The following CHD6 variants were observed in gnomAD, a reference collection of about 807,000 sequenced individuals.
CHD6 encodes chromodomain helicase DNA binding protein 6, also known as ATP-dependent chromatin remodeler CHD6.
Under a neutral mutation model 276.9 loss-of-function variants are expected in CHD6, and 50 were observed. The ratio of observed to expected loss-of-function variants is 0.18; its 90% CI spans 0.14 to 0.23. The LOEUF (loss-of-function observed/expected upper bound fraction) is 0.23. CHD6 is among the 10% of genes least tolerant of loss of function. The pLI is 1.00. For missense variants in CHD6, 2,564 were observed against 3,365.8 expected, an observed-to-expected ratio of 0.76 and a Z score of 5.89; for synonymous variants, 1,173 against 1,229.3, an observed-to-expected ratio of 0.95 and a Z score of 0.96.
At chr20:41,580,065 T>C (rs1004671828) in intron 1 of CHD6, among the ~76,000 whole-genome samples, 1 of 152,190 alleles carries the variant, frequency 6.6e-6, no homozygotes, top group East Asian at 1.9e-4. Context: ...CATAGATTCA[T>C]AGGTCAAGTG....
chr20:41,425,035 A>C lies in CHD6; in HGVS notation c.4346+143T>G. 6 of 658,426 alleles carry C rather than the reference A, an allele frequency of 9.1e-6. No homozygotes were observed. The East Asian group carries it at 1.6e-4, about 18-fold the overall frequency. The allele number at this position is 658,426 out of a possible 1,614,324, so 40.8% of individuals were successfully genotyped here. A position where few individuals can be genotyped will look rare whatever the true frequency, so the allele number is the denominator to read the frequency against. On this transcript the variant is annotated intron_variant, in intron 29 of 36. Transcript: ENST00000373233. ...CATCACCATGATACCATCACAACTG[A>C]AGGCTGAATGTAATGAATTCTGGAG...
At chr20:41,537,730 C>T (rs913693009) in intron 2 of CHD6, among the ~76,000 whole-genome samples, 1 of 151,994 alleles carries the variant, frequency 6.6e-6, no homozygotes, top group Non-Finnish European at 1.5e-5. Context: ...GACAAGACAA[C>T]AATAATTTTG....
intron 27 of CHD6, among the ~76,000 whole-genome samples, chr20:41,426,822 C>T (rs1435414581): frequency 6.6e-6 from 1 of 152,144 alleles, no homozygotes; most frequent in Non-Finnish European, 1.5e-5. Context: ...AGGAATGGAA[C>T]TTTAAAAACT....
rs1391018256 is a variant in CHD6 at position 41,493,558 on chromosome 20, G to A, written c.1294C>T (p.Leu432Phe). The change falls in exon 10 of 37, where the codon CTC becomes TTC. Residue 432 changes from leucine (L) to phenylalanine (F), a missense_variant. By Grantham distance (22) the Leu-to-Phe change is conservative. This residue lies in a region of CHD6 where 457 missense variants were observed against 889.0 expected (regional missense o/e 0.51). Transcript: ENST00000373233. ...KVKEFESLQV[L>F]PEIKHVERPA... ...TTTACCACATGCTTAATTTCAGGGA[G>A]AACTTGAAGAGATTCAAATTCTTTA... is the stretch of plus-strand genomic sequence containing the variant. 2.5e-6 allele frequency: 4 copies of A among 1,613,718 alleles called. No individual in the cohort carries two copies. Among genetic ancestry groups the A allele is most frequent in the African/African-American group, 2.7e-5 (2 of 74,926 alleles).
At chr20:41,577,164 G>A (rs1285443544) in intron 1 of CHD6, among the ~76,000 whole-genome samples, 3 of 152,202 alleles carry the variant, frequency 2.0e-5, no homozygotes, top group Non-Finnish European at 4.4e-5. Context: ...TAGAACGAGA[G>A]AGTCTCTATA....
intron 14 of CHD6, chr20:41,486,260 A>T (rs1206024092): frequency 2.0e-5 from 3 of 152,228 alleles, no homozygotes; most frequent in African/African-American, 7.2e-5. Context: ...AGTTTACTAT[A>T]TGCCAGACAT....
chr20:41,533,146 T>C lies in CHD6; in HGVS notation c.458A>G (p.Lys153Arg), dbSNP rs1358237817. 4 of 1,614,176 alleles carry C rather than the reference T, an allele frequency of 2.5e-6. No individual in the cohort carries two copies. Among genetic ancestry groups the C allele is most frequent in the Non-Finnish European group, 3.4e-6 (4 of 1,180,018 alleles). ...KEPKQKDGAKKARKPREASGT... is the reference protein window; with the variant it reads ...KEPKQKDGAKRARKPREASGT... Reference sequence around the variant, plus strand: ...CGAGGCCTCCCGGGGCTTCCGTGCCTTCTTTGCCCCATCTTTTTGCTTCGG... The same window carrying C: ...CGAGGCCTCCCGGGGCTTCCGTGCCCTCTTTGCCCCATCTTTTTGCTTCGG... The change falls in exon 3 of 37, where the codon AAG (lysine) becomes AGG (arginine). Residue 153 changes from lysine (K) to arginine (R), a missense_variant. Lys to Arg is a conservative substitution (Grantham distance 26). Transcript: ENST00000373233.
At chr20:41,428,379 C>T (rs2047431754) in intron 27 of CHD6, among the ~76,000 whole-genome samples, 1 of 152,194 alleles carries the variant, frequency 6.6e-6, no homozygotes, top group South Asian at 2.1e-4. Context: ...AGAGGCCCTG[C>T]ATCTGAACTA....
At chr20:41,535,395 G>A (rs545880561) in intron 2 of CHD6, among the ~76,000 whole-genome samples, 2 of 152,206 alleles carry the variant, frequency 1.3e-5, no homozygotes, top group Non-Finnish European at 2.9e-5. Context: ...TGGAAGATTA[G>A]TGATGTTAAT....
At chr20:41,501,874 T>C (rs1285904318) in intron 5 of CHD6, among the ~76,000 whole-genome samples, 1 of 147,508 alleles carries the variant, frequency 6.8e-6, no homozygotes, top group Non-Finnish European at 1.5e-5. Flanking sequence ...GTCTCTTTAA[T>C]TCACATTTTC....
At chr20:41,528,559 G>C (rs1277849072) in intron 3 of CHD6, among the ~76,000 whole-genome samples, 1 of 152,072 alleles carries the variant, frequency 6.6e-6, no homozygotes, top group East Asian at 1.9e-4. Flanking sequence ...CACAATAAAG[G>C]AATGAACTAA....
Position 41,421,835 on chromosome 20 carries a change from G to T in CHD6, c.4800C>A (p.Ile1600=). The part of the protein sequence containing the change: ...KHGLNRTDCY[I]MNDPQLSFLD... ...GGAAGGACAGCTGGGGGTCGTTCATGATGTAACAGTCAGTGCGGTTCAGCC... is the reference window on the plus strand; with the variant it reads ...GGAAGGACAGCTGGGGGTCGTTCATTATGTAACAGTCAGTGCGGTTCAGCC... The change falls in exon 31 of 37, where the codon ATC becomes ATA. Residue 1600 remains isoleucine, a synonymous_variant. Coordinates refer to ENST00000373233, the MANE Select transcript of CHD6 (RefSeq NM_032221.5). 1 of 1,614,196 alleles carries T rather than the reference G, an allele frequency of 6.2e-7. No individual in the cohort carries two copies.
intron 10 of CHD6, among the ~76,000 whole-genome samples, chr20:41,493,081 T>C (rs1206693692): frequency 6.6e-6 from 1 of 152,116 alleles, no homozygotes; most frequent in Non-Finnish European, 1.5e-5. Context: ...ACCTATGTTC[T>C]CTCTGTGGGA....
Position 41,416,716 on chromosome 20 carries a change from C to G in CHD6, c.6358G>C (p.Glu2120Gln). Reference protein sequence around the residue: ...KGKWPSSQQYEPSGTLPTPVL... With the variant: ...KGKWPSSQQYQPSGTLPTPVL... Reference sequence around the variant, plus strand: ...GGGGTGGGCAGTGTGCCTGAGGGCTCATACTGCTGGCTAGAGGGCCACTTC... The same window carrying G: ...GGGGTGGGCAGTGTGCCTGAGGGCTGATACTGCTGGCTAGAGGGCCACTTC... Residue 2120 changes from glutamate (E) to glutamine (Q), a missense_variant, in exon 33 of 37, where the codon GAG (glutamate) becomes CAG (glutamine). By Grantham distance (29) the Glu-to-Gln change is conservative. Coordinates refer to ENST00000373233, the MANE Select transcript of CHD6 (RefSeq NM_032221.5). 6.2e-7 allele frequency: 1 copy of G among 1,613,746 alleles called. No individual in the cohort carries two copies. The highest frequency in any genetic ancestry group is 2.2e-5 in the East Asian group (1 of 44,862).
intron 4 of CHD6, among the ~76,000 whole-genome samples, chr20:41,514,110 C>T (rs1370398039): frequency 6.6e-6 from 1 of 152,220 alleles, no homozygotes; most frequent in Non-Finnish European, 1.5e-5. Flanking sequence ...TGTCATTTTC[C>T]TACAGGGAAG....
At chr20:41,424,400 G>A (rs1025256980) in intron 29 of CHD6, among the ~76,000 whole-genome samples, 10 of 152,194 alleles carry the variant, frequency 6.6e-5, no homozygotes, top group African/African-American at 2.4e-4. Context: ...CCAATCCAGA[G>A]GGAGTCTAGC....
chr20:41,463,361 AT>A (rs2042845827), intron 17 of CHD6, among the ~76,000 whole-genome samples: 1 of 152,230 alleles, frequency 6.6e-6, no homozygotes, highest in South Asian at 2.1e-4. Context: ...TGATACTTTG[AT>A]GAGGAACAGG....
chr20:41,585,457 A>G lies in CHD6; in HGVS notation c.-24+32883T>C, dbSNP rs150943195. On this transcript the variant is annotated intron_variant, in intron 1 of 36. Coordinates refer to ENST00000373233, the MANE Select transcript of CHD6 (RefSeq NM_032221.5). Reference sequence around the variant, plus strand: ...GTGAGCCAAGAGGTTGCAGTGAGCCAAGATCGCACCATTGCACTCCAGCCT... The same window carrying G: ...GTGAGCCAAGAGGTTGCAGTGAGCCGAGATCGCACCATTGCACTCCAGCCT... Among the ~76,000 whole-genome samples the G allele has an allele frequency of 1.1e-4, 16 of 151,154 alleles. No homozygotes were observed. The East Asian group carries it at 2.9e-3, about 28-fold the overall frequency.
rs760264207 is a variant in CHD6, at chr20:41,512,924, A to G, written c.774T>C (p.Asp258=). ...CAAGAACAGCAATTGTTTCCCCATC[A>G]TCATCCACCACTTTGAAGTCCAGGT... The part of the protein sequence containing the change: ...NEDLDFKVVD[D]DGETIAVLGA... The change falls in exon 5 of 37, where the codon GAT becomes GAC. Residue 258 remains aspartate (D), a synonymous_variant. Transcript: ENST00000373233. 1.9e-5 allele frequency: 30 copies of G among 1,614,048 alleles called. No individual in the cohort carries two copies. The highest frequency in any genetic ancestry group is 2.3e-5 in the Non-Finnish European group (27 of 1,179,950).
Sources: allele counts gnomAD v4.1 joint callset (sites outside exome capture counted in the v4.1 genomes callset), GRCh38; gene constraint gnomAD v4.1.1; regional missense constraint gnomAD v4.1.1; transcripts MANE v1.5; gene names NCBI Gene and HGNC (gene_info 2026-07-23, HGNC 2026-07-21).